The following ZFHX3 variants were observed in gnomAD, a reference collection of about 807,000 sequenced individuals.
ZFHX3 encodes zinc finger homeobox protein 3.
Under a neutral mutation model 279.1 loss-of-function variants are expected in ZFHX3, and 42 were observed. The observed-to-expected ratio is 0.15, with a 90% CI of 0.12 to 0.19. The LOEUF is 0.19. Ranked by LOEUF, ZFHX3 falls within the 10% of genes least tolerant of loss-of-function variation. The pLI is 1.00. For synonymous variants in ZFHX3, 2,293 were observed against 1,957.8 expected (o/e 1.17, Z -4.52); for missense variants, 4,981 against 4,754.0 (o/e 1.05, Z -1.40).
chr16:73,499,129 C>G (rs1173103243), intron 2 of ZFHX3: 1 of 152,176 alleles, frequency 6.6e-6, no homozygotes, highest in Non-Finnish European at 1.5e-5. Context: ...TACCATGCAT[C>G]TAAAGAGAGC....
At chr16:73,537,515 G>A (rs370402733) in intron 2 of ZFHX3, among the ~76,000 whole-genome samples, 16 of 151,900 alleles carry the variant, frequency 1.1e-4, no homozygotes, top group South Asian at 6.2e-4. Context: ...ATGGGGTTTC[G>A]CCATGTTGGC....
chr16:73,065,891 A>G (rs565172493), intron 8 of ZFHX3, among the ~76,000 whole-genome samples: 1 of 152,358 alleles, frequency 6.6e-6, no homozygotes, highest in South Asian at 2.1e-4. Flanking sequence ...TTGGTTTCCC[A>G]TTCTCAGAAA....
chr16:73,085,695 G>C (rs775873708), intron 8 of ZFHX3, among the ~76,000 whole-genome samples: 7 of 152,030 alleles, frequency 4.6e-5, no homozygotes, highest in Admixed American at 1.3e-4. Context: ...ATAGACTAAA[G>C]ACTAAATCTA....
intron 1 of ZFHX3, among the ~76,000 whole-genome samples, chr16:73,822,120 G>C (rs952663098): frequency 1.3e-5 from 2 of 152,186 alleles, no homozygotes; most frequent in Non-Finnish European, 2.9e-5. Context: ...ACAATAAAAA[G>C]TCACCAGAAT....
chr16:72,811,482 A>C (rs1338946221), intron 7 of ZFHX3, 95 bp downstream of exon 7: 36 of 1,275,978 alleles, frequency 2.8e-5, no homozygotes, highest in Non-Finnish European at 3.8e-5. Flanking sequence ...CTCTACACTG[A>C]CTTTCTCGTC....
At chr16:73,432,158 C>T (rs1468201697) in intron 3 of ZFHX3, among the ~76,000 whole-genome samples, 4 of 152,182 alleles carry the variant, frequency 2.6e-5, no homozygotes, top group Non-Finnish European at 5.9e-5. Flanking sequence ...AAACTTTTTA[C>T]AGTCTCAGAG....
intron 2 of ZFHX3, among the ~76,000 whole-genome samples, chr16:73,470,469 C>T (rs916124184): frequency 6.6e-6 from 1 of 152,204 alleles, no homozygotes; most frequent in Non-Finnish European, 1.5e-5. Context: ...GTGCTTAACA[C>T]AGCTTTTATT....
At chr16:73,413,358 G>C (rs1014956245) in intron 3 of ZFHX3, among the ~76,000 whole-genome samples, 1 of 152,180 alleles carries the variant, frequency 6.6e-6, no homozygotes, top group African/African-American at 2.4e-5. Flanking sequence ...CTGTACATAA[G>C]GGAGTGAAGG....
At chr16:73,573,669 C>G (rs2051765295) in intron 2 of ZFHX3, among the ~76,000 whole-genome samples, 1 of 152,126 alleles carries the variant, frequency 6.6e-6, no homozygotes, top group South Asian at 2.1e-4. Context: ...TTATATTAAC[C>G]TATGTTAATA....
intron 3 of ZFHX3, among the ~76,000 whole-genome samples, chr16:73,323,578 G>C (rs577061275): frequency 6.6e-6 from 1 of 152,308 alleles, no homozygotes; most frequent in South Asian, 2.1e-4. Flanking sequence ...TATGAAAGAA[G>C]AGATGCAGGT....
At chr16:73,262,712 T>G (rs983436287) in intron 4 of ZFHX3, among the ~76,000 whole-genome samples, 1 of 152,142 alleles carries the variant, frequency 6.6e-6, no homozygotes, top group African/African-American at 2.4e-5. Flanking sequence ...AGAGTGTTTT[T>G]CTCTACCCCT....
chr16:73,686,622 C>T (rs1051774066), intron 1 of ZFHX3, among the ~76,000 whole-genome samples: 9 of 152,090 alleles, frequency 5.9e-5, no homozygotes, highest in Non-Finnish European at 1.0e-4. Context: ...TTGTCTCAGC[C>T]TCTTATCCAT....
rs561027202 is a variant in ZFHX3 at position 73,611,089 on chromosome 16, G to T, written c.-1547+69091C>A. Among the ~76,000 whole-genome samples the T allele has an allele frequency of 9.8e-5, 15 of 152,344 alleles. 2 individuals are homozygous for T. The highest frequency in any genetic ancestry group is 8.5e-4 in the Admixed American group (13 of 15,302). Reference sequence around the variant, plus strand: ...AAATCCAGATTAAACCTTTCTGTTTGTTTGCTGATCTTATTTTGTTTTTGA... The same window carrying T: ...AAATCCAGATTAAACCTTTCTGTTTTTTTGCTGATCTTATTTTGTTTTTGA... On this transcript the variant is annotated intron_variant, in intron 2 of 17. Coordinates refer to the ZFHX3 transcript ENST00000641206.
chr16:73,693,235 T>C (rs1353751981), intron 1 of ZFHX3, among the ~76,000 whole-genome samples: 1 of 152,122 alleles, frequency 6.6e-6, no homozygotes, highest in African/African-American at 2.4e-5. Flanking sequence ...AAGTAGCAAA[T>C]ATAGGTGTGG....
chr16:73,434,789 C>A lies in ZFHX3; in HGVS notation c.-1291+21214G>T, dbSNP rs530580109. Among the ~76,000 whole-genome samples, 2 of 152,134 alleles carry A rather than the reference C, an allele frequency of 1.3e-5. 1 individual carries two copies. The highest frequency in any genetic ancestry group is 1.3e-4 in the Admixed American group (2 of 15,268). On this transcript the variant is annotated intron_variant, in intron 3 of 17. Transcript: ENST00000641206. ...AGGTGAGGAAGGTCAGTGACTTCAA[C>A]AGTCCTCTAAGTGGGTCTGACTGAG...
rs1567524323 is a variant in ZFHX3, at chr16:73,580,513, A to AAC, written c.-1547+99666_-1547+99667insGT. On this transcript the variant is annotated intron_variant, in intron 2 of 17. Transcript: ENST00000641206. ...AACAAAAACAAACAAACAAACAAAA[A>AAC]AAAAAAAACAGAGAAATTTCCTTTG... Among the ~76,000 whole-genome samples, 105 of 151,962 alleles carry AAC rather than the reference A, an allele frequency of 6.9e-4. 3 individuals are homozygous for AAC. The highest frequency in any genetic ancestry group is 2.3e-3 in the African/African-American group (94 of 41,284).
At chr16:73,093,064 T>C (rs752541786) in intron 8 of ZFHX3, 3 of 520,106 alleles carry the variant, frequency 5.8e-6, no homozygotes, top group Non-Finnish European at 1.2e-5. Context: ...ATCCTTTTGC[T>C]ATTTGACCCC....
intron 4 of ZFHX3, among the ~76,000 whole-genome samples, chr16:72,842,216 T>G (rs2037360685): frequency 6.6e-6 from 1 of 152,062 alleles, no homozygotes; most frequent in Non-Finnish European, 1.5e-5. Flanking sequence ...TTTTGTTTTT[T>G]TTTTCTTTTT....
intron 1 of ZFHX3, among the ~76,000 whole-genome samples, chr16:73,789,345 T>C (rs978634209): frequency 2.6e-5 from 4 of 152,036 alleles, no homozygotes; most frequent in Non-Finnish European, 5.9e-5. Context: ...CACACCCGGC[T>C]AATTTTTTGC....
Sources: gnomAD v4.1 joint callset for allele counts (sites outside exome capture counted in the v4.1 genomes callset) on GRCh38, gnomAD v4.1.1 for gene constraint, MANE v1.5 for transcripts, NCBI Gene and HGNC (gene_info 2026-07-23, HGNC 2026-07-21) for gene names.